Variants in SORBS2 observed in about 807,000 individuals in gnomAD.
SORBS2 encodes sorbin and SH3 domain containing 2, also known as sorbin and SH3 domain-containing protein 2.
SORBS2 carries 46 observed loss-of-function variants against 97.7 expected under a neutral mutation model. The ratio of observed to expected loss-of-function variants is 0.47; its 90% CI spans 0.37 to 0.60. The LOEUF (loss-of-function observed/expected upper bound fraction) is 0.60. Among genes scored for constraint, SORBS2 ranks in the 20% least tolerant of loss-of-function variants. The pLI is 0.00. For missense variants in SORBS2, 1,316 were observed against 1,282.3 expected, an observed-to-expected ratio of 1.03 and a Z score of -0.40; for synonymous variants, 476 against 473.4, an observed-to-expected ratio of 1.01 and a Z score of -0.07.
intron 2 of SORBS2, among the ~76,000 whole-genome samples, chr4:185,745,534 C>A (rs1385485601): frequency 1.3e-5 from 2 of 152,204 alleles, no homozygotes; most frequent in East Asian, 3.9e-4. Flanking sequence ...AGCACCTGTG[C>A]ACCCGAGGTG....
rs145426446 is a variant in SORBS2 at position 185,727,434 on chromosome 4, G to A, written c.-198+47793C>T. 9.9e-5 allele frequency among the ~76,000 whole-genome samples: 15 copies of A among 152,220 alleles called. No individual in the cohort carries two copies. In the South Asian group the frequency reaches 2.5e-3, roughly 25 times the overall value. Reference sequence around the variant, plus strand: ...TTGGTAATTGACTTTTTAACTATACGTTTGTGTCAGGCATTTATACTTAGC... The same window carrying A: ...TTGGTAATTGACTTTTTAACTATACATTTGTGTCAGGCATTTATACTTAGC... On this transcript the variant is annotated intron_variant, in intron 2 of 20. Coordinates refer to the SORBS2 transcript ENST00000284776.
At chr4:185,797,664 A>T (rs1345063505) in intron 1 of SORBS2, among the ~76,000 whole-genome samples, 1 of 152,214 alleles carries the variant, frequency 6.6e-6, no homozygotes, top group Non-Finnish European at 1.5e-5. Flanking sequence ...AAGTAGGGAA[A>T]TAGGGGTCAG....
intron 4 of SORBS2, among the ~76,000 whole-genome samples, chr4:185,678,193 C>A (rs1327951195): frequency 1.3e-5 from 2 of 152,146 alleles, no homozygotes; most frequent in Admixed American, 6.5e-5. Flanking sequence ...ATGTTAAAAA[C>A]CGACATACTT....
intron 1 of SORBS2, among the ~76,000 whole-genome samples, chr4:185,814,993 G>A (rs2099192402): frequency 6.6e-6 from 1 of 152,228 alleles, no homozygotes; most frequent in African/African-American, 2.4e-5. Context: ...ATTTCCAAGA[G>A]ACAAATCTGA....
At chr4:185,754,438 T>A (rs1479560809) in intron 2 of SORBS2, among the ~76,000 whole-genome samples, 1 of 152,098 alleles carries the variant, frequency 6.6e-6, no homozygotes, top group Non-Finnish European at 1.5e-5. Context: ...TCTATCTATA[T>A]AACAAACCTG....
chr4:185,953,306 T>C (rs2099278090), intron 1 of SORBS2, among the ~76,000 whole-genome samples: 1 of 152,162 alleles, frequency 6.6e-6, no homozygotes, highest in Non-Finnish European at 1.5e-5. Context: ...AGAATGAGAC[T>C]CTGTCTCAAA....
chr4:185,610,210 T>C (rs1030791320), intron 12 of SORBS2, among the ~76,000 whole-genome samples: 2 of 152,246 alleles, frequency 1.3e-5, no homozygotes, highest in Non-Finnish European at 2.9e-5. Flanking sequence ...TGTACATACA[T>C]GCTTTTCTTC....
At chr4:185,751,866 G>A (rs2098802465) in intron 2 of SORBS2, among the ~76,000 whole-genome samples, 1 of 152,158 alleles carries the variant, frequency 6.6e-6, no homozygotes, top group South Asian at 2.1e-4. Context: ...ATTAAGGTGC[G>A]ATTTAAAAAT....
In SORBS2 at chr4:185,623,826, G is replaced by A. The variant is rs1473430026; in HGVS notation, c.1303C>T (p.Leu435=). The change falls in exon 7 of 15, where the codon CTG becomes TTG. Residue 435 remains leucine (L), a synonymous_variant. Transcript: ENST00000418609. The surrounding 1 kb of genome is among the most constrained non-coding windows in gnomAD (Gnocchi z 6.4). ...GGTGGTTCTAGGGTTACGGGAGACA[G>A]CATGTCATCCCCTAAATTTGGCATG... The A allele has an allele frequency of 5.6e-6, 9 of 1,614,070 alleles. No homozygotes were observed. The highest frequency in any genetic ancestry group is 5.3e-5 in the African/African-American group (4 of 74,936).
At chr4:185,605,978 G>T in intron 12 of SORBS2, 1 of 404,370 alleles carries the variant, frequency 2.5e-6, no homozygotes, top group Non-Finnish European at 3.3e-6. Flanking sequence ...ACAGTACCCA[G>T]TTCTTAAGTA....
chr4:185,647,487 G>A (rs917168409), intron 3 of SORBS2, among the ~76,000 whole-genome samples: 1 of 146,238 alleles, frequency 6.8e-6, no homozygotes, highest in Non-Finnish European at 1.5e-5. Context: ...ATCACAGCTC[G>A]CTGCCATCTC....
At position 185,879,165 on chromosome 4, in the gene SORBS2, T is replaced by TC. The variant is rs1224668040; in HGVS notation, c.-338+77030dup. Among the ~76,000 whole-genome samples the TC allele has an allele frequency of 5.4e-3, 306 of 57,124 alleles. 11 individuals carry two copies. Among genetic ancestry groups the TC allele is most frequent in the African/African-American group, 0.017 (168 of 10,034 alleles). The allele number at this position is 57,124 out of a possible 152,430, so 37.5% of individuals were successfully genotyped here. On this transcript the variant is annotated intron_variant, in intron 1 of 20. Transcript: ENST00000284776. ...TAGGTATATCTCCTAATGCTATCCC[T>TC]CCCCCCCCCCCACCCCACGACAGGC...
At chr4:185,825,201 T>C (rs1404898297) in intron 1 of SORBS2, among the ~76,000 whole-genome samples, 1 of 97,518 alleles carries the variant, frequency 1.0e-5, no homozygotes, top group African/African-American at 4.0e-5. Context: ...GTTCATTTTG[T>C]TCTGTTTTTT....
chr4:185,677,393 T>G (rs555203598), intron 4 of SORBS2: 7 of 1,552,358 alleles, frequency 4.5e-6, no homozygotes, highest in Non-Finnish European at 6.1e-6. Flanking sequence ...TGGAAGCTGC[T>G]GGTAGTGGAT....
At chr4:185,622,563 G>T (rs1231997713) in intron 7 of SORBS2, among the ~76,000 whole-genome samples, 1 of 152,164 alleles carries the variant, frequency 6.6e-6, no homozygotes, top group Non-Finnish European at 1.5e-5. Context: ...AAGGCTATTT[G>T]TGGAACTATA....
intron 1 of SORBS2, among the ~76,000 whole-genome samples, chr4:185,827,198 TCATCAC>T (rs1561210897): frequency 0.01 from 594 of 57,924 alleles, 10 homozygotes; most frequent in African/African-American, 0.033. Context: ...ATCATCATCA[TCATCAC>T]CATCATCACC....
chr4:185,777,954 G>T (rs1219881334), intron 1 of SORBS2, among the ~76,000 whole-genome samples: 1 of 151,988 alleles, frequency 6.6e-6, no homozygotes, highest in African/African-American at 2.4e-5. Context: ...GATTAATGTT[G>T]TCTCTTCCTA....
chr4:185,731,456 C>T (rs2098625100), intron 2 of SORBS2, among the ~76,000 whole-genome samples: 2 of 143,086 alleles, frequency 1.4e-5, no homozygotes, highest in African/African-American at 5.1e-5. Context: ...CCCCCTCCCT[C>T]CCTCCCTGCC....
chr4:185,610,859 TA>T (rs976698007), intron 12 of SORBS2, among the ~76,000 whole-genome samples: 2 of 152,184 alleles, frequency 1.3e-5, no homozygotes, highest in African/African-American at 4.8e-5. Flanking sequence ...GAGAAGTACT[TA>T]AAACATTTTG....
Sources: allele counts gnomAD v4.1 joint callset (sites outside exome capture counted in the v4.1 genomes callset), GRCh38; gene constraint gnomAD v4.1.1; non-coding constraint Gnocchi (gnomAD v3.1); transcripts MANE v1.5; gene names NCBI Gene and HGNC (gene_info 2026-07-23, HGNC 2026-07-21).